CUL1: variants seen among roughly 807,000 people sequenced by gnomAD.
CUL1 encodes the protein cullin 1, also known as cullin-1.
A neutral mutation model predicts 118.0 loss-of-function variants in CUL1; 24 were observed. The ratio of observed to expected loss-of-function variants is 0.20; its 90% CI spans 0.15 to 0.29. The LOEUF is 0.29. Ranked by LOEUF, CUL1 falls within the 10% of genes least tolerant of loss-of-function variation. The pLI, the probability that CUL1 is intolerant of heterozygous loss-of-function variation, is 1.00. For synonymous variants in CUL1, 332 were observed against 340.4 expected (o/e 0.98, Z 0.27); for missense variants, 361 against 933.8 (o/e 0.39, Z 7.99).
At chr7:148,715,805 ATCT>A (rs754472222) in intron 1 of CUL1, among the ~76,000 whole-genome samples, 29 of 152,248 alleles carry the variant, frequency 1.9e-4, no homozygotes, top group African/African-American at 4.6e-4. Flanking sequence ...TAAGCTCTTC[ATCT>A]TCTTTCTAGT....
At chr7:148,731,541 G>A (rs1327597056) in intron 2 of CUL1, among the ~76,000 whole-genome samples, 2 of 152,134 alleles carry the variant, frequency 1.3e-5, no homozygotes, top group African/African-American at 4.8e-5. Flanking sequence ...ATGTAATTAT[G>A]TACCATAAAA....
intron 1 of CUL1, among the ~76,000 whole-genome samples, chr7:148,724,998 AT>A (rs1173784481): frequency 6.6e-5 from 10 of 152,124 alleles, no homozygotes; most frequent in Admixed American, 5.9e-4. Flanking sequence ...TAAGAGTGAC[AT>A]TTTTTGATGG....
In CUL1 at chr7:148,784,085, A is replaced by T. The variant is rs1171953377; in HGVS notation, c.1298+8A>T. 6.2e-7 allele frequency: 1 copy of T among 1,600,904 alleles called. No individual in the cohort carries two copies. On this transcript the variant is annotated splice_region_variant and intron_variant, in intron 11 of 21. Coordinates refer to ENST00000325222, the MANE Select transcript of CUL1 (RefSeq NM_003592.3). Reference sequence around the variant, plus strand: ...CTCCTTGTTGAAGAAAAGGTATTAAATGACCCTATGTTTTCTTAGTATGCC... The same window carrying T: ...CTCCTTGTTGAAGAAAAGGTATTAATTGACCCTATGTTTTCTTAGTATGCC...
At chr7:148,699,387 G>T (rs1203918580) in intron 1 of CUL1, among the ~76,000 whole-genome samples, 3 of 152,108 alleles carry the variant, frequency 2.0e-5, no homozygotes, top group Non-Finnish European at 2.9e-5. Flanking sequence ...CTGGGTTCTC[G>T]GAGGGTGGGC....
chr7:148,725,900 G>C (rs1257621357), intron 1 of CUL1, among the ~76,000 whole-genome samples: 1 of 152,194 alleles, frequency 6.6e-6, no homozygotes, highest in Admixed American at 6.5e-5. Flanking sequence ...CAGATCATCT[G>C]TGCATGAATT....
chr7:148,788,503 A>G, intron 13 of CUL1, 54 bp from the exon 14 acceptor site: 1 of 1,110,136 alleles, frequency 9.0e-7, no homozygotes, highest in Non-Finnish European at 1.4e-6. Context: ...ATTCCCTTGT[A>G]TACATTTGTA....
In CUL1 at chr7:148,741,695, T is replaced by G. The variant is rs1453478497; in HGVS notation, c.140+11433T>G. 1.8e-5 allele frequency among the ~76,000 whole-genome samples: 2 copies of G among 112,864 alleles called. 1 individual carries two copies. Among genetic ancestry groups the G allele is most frequent in the Non-Finnish European group, 3.5e-5 (2 of 56,802 alleles). The allele number at this position is 112,864 out of a possible 152,430, so 74.0% of individuals were successfully genotyped here. On this transcript the variant is annotated intron_variant, in intron 2 of 21. Transcript: ENST00000325222. ...CTCAAGTGATTCTCCTGCCTCAGCC[T>G]CCCGAGTAGCTGGAACCGCAGGTGC...
chr7:148,700,912 C>T (rs1281073620), intron 1 of CUL1, among the ~76,000 whole-genome samples: 1 of 152,154 alleles, frequency 6.6e-6, no homozygotes. Flanking sequence ...GTGTGTACCA[C>T]ATCAGAAGAC....
At chr7:148,795,662 C>T (rs1045393566) in intron 17 of CUL1, among the ~76,000 whole-genome samples, 1 of 150,504 alleles carries the variant, frequency 6.6e-6, no homozygotes, top group South Asian at 2.1e-4. Context: ...CCCAGCTACT[C>T]GGGAGGCTGA....
At position 148,789,738 on chromosome 7, in the gene CUL1, TC is replaced by T; in HGVS notation, c.1598-10del. 6.2e-7 allele frequency: 1 copy of T among 1,612,900 alleles called. No individual in the cohort carries two copies. Among genetic ancestry groups the T allele is most frequent in the Non-Finnish European group, 8.5e-7 (1 of 1,178,872 alleles). Reference sequence around the variant, plus strand: ...CCAGAATGTTCACTCTCCCCTCTCTTCCGTCCCACAGTGGATTTCAGCATTC... The same window carrying T: ...CCAGAATGTTCACTCTCCCCTCTCTTCGTCCCACAGTGGATTTCAGCATTC... On this transcript the variant is annotated splice_polypyrimidine_tract_variant and intron_variant, in intron 14 of 21. Coordinates refer to ENST00000325222, the MANE Select transcript of CUL1 (RefSeq NM_003592.3).
chr7:148,766,535 C>A, intron 7 of CUL1, 26 bp from the exon 8 acceptor site: 1 of 1,572,402 alleles, frequency 6.4e-7, no homozygotes. Context: ...GAATCAAAAC[C>A]ATTCACTTGA....
At chr7:148,791,344 A>G (rs1227254769) in intron 16 of CUL1, among the ~76,000 whole-genome samples, 1 of 152,226 alleles carries the variant, frequency 6.6e-6, no homozygotes, top group Non-Finnish European at 1.5e-5. Flanking sequence ...CTGCAGACTC[A>G]AGCTGCTCAT....
chr7:148,758,757 C>T (rs1799741136), intron 4 of CUL1, among the ~76,000 whole-genome samples: 2 of 152,138 alleles, frequency 1.3e-5, no homozygotes, highest in South Asian at 4.1e-4. Flanking sequence ...ACAAAACTTT[C>T]TAGGTTTAGT....
chr7:148,722,992 C>G (rs1798443391), intron 1 of CUL1, among the ~76,000 whole-genome samples: 1 of 152,270 alleles, frequency 6.6e-6, no homozygotes. Flanking sequence ...CCCTCCCCAC[C>G]TGTTCCAGTT....
intron 12 of CUL1, 152 bp downstream of exon 12, chr7:148,786,751 CT>C: frequency 2.5e-6 from 2 of 814,380 alleles, no homozygotes; most frequent in Non-Finnish European, 3.9e-6. Flanking sequence ...TGAGTTACTA[CT>C]TTTAGCATTC....
chr7:148,703,823 G>A lies in CUL1; in HGVS notation c.-162+4794G>A, dbSNP rs935978763. The stretch of plus-strand genomic sequence containing the variant: ...TGGGATTACAGGCGTGAGCCACTGC[G>A]CCCGGCCGTGAGGATATTTAAAGTA... On this transcript the variant is annotated intron_variant, in intron 1 of 21. Coordinates refer to ENST00000325222, the MANE Select transcript of CUL1 (RefSeq NM_003592.3). Among the ~76,000 whole-genome samples the A allele has an allele frequency of 1.1e-4, 16 of 152,194 alleles. 1 individual carries two copies. The highest frequency in any genetic ancestry group is 6.8e-3 in the Middle Eastern group (2 of 294).
chr7:148,800,582 A>G lies in CUL1; in HGVS notation c.2331A>G (p.Ter777=). Reference sequence around the variant, plus strand: ...AGGACACCTACAGTTACTTGGCTTAACCCTTCTGGAAGGGTCTGACTGTGT... The same window carrying G: ...AGGACACCTACAGTTACTTGGCTTAGCCCTTCTGGAAGGGTCTGACTGTGT... The part of the protein sequence containing the change: ...GEKDTYSYLA[*] Residue 777 remains the stop codon, a stop_retained_variant, in exon 22 of 22, where the codon TAA becomes TAG. Coordinates refer to ENST00000325222, the MANE Select transcript of CUL1 (RefSeq NM_003592.3). This position sits in a 1 kb window ranked among gnomAD's most constrained non-coding sequence, Gnocchi z 4.6. 1.2e-6 allele frequency: 2 copies of G among 1,610,692 alleles called. No individual in the cohort carries two copies. Among genetic ancestry groups the G allele is most frequent in the Non-Finnish European group, 1.7e-6 (2 of 1,177,040 alleles).
chr7:148,777,822 T>A (rs935814155), intron 9 of CUL1, among the ~76,000 whole-genome samples: 2 of 151,414 alleles, frequency 1.3e-5, no homozygotes, highest in Non-Finnish European at 2.9e-5. Context: ...TCCCAGCATT[T>A]TGGGAGGCTG....
intron 1 of CUL1, among the ~76,000 whole-genome samples, chr7:148,704,974 C>T (rs781146825): frequency 6.6e-6 from 1 of 152,170 alleles, no homozygotes; most frequent in African/African-American, 2.4e-5. Flanking sequence ...TAGTGTTTGC[C>T]GTACTGGCAG....
Sources: gnomAD v4.1 joint callset for allele counts (sites outside exome capture counted in the v4.1 genomes callset) on GRCh38, gnomAD v4.1.1 for gene constraint, Gnocchi (gnomAD v3.1) non-coding constraint, MANE v1.5 for transcripts, NCBI Gene and HGNC (gene_info 2026-07-23, HGNC 2026-07-21) for gene names.